Variants in PRKCI observed in about 807,000 individuals in gnomAD.
PRKCI encodes protein kinase C iota.
A neutral mutation model predicts 84.0 loss-of-function variants in PRKCI; 43 were observed. The ratio of observed to expected loss-of-function variants is 0.51; its 90% CI spans 0.40 to 0.66. The LOEUF is 0.66. PRKCI is among the 30% of genes least tolerant of loss of function. PRKCI has a pLI of 0.00. For synonymous variants in PRKCI, 216 were observed against 234.4 expected, an observed-to-expected ratio of 0.92 and a Z score of 0.72; for missense variants, 459 against 745.6, an observed-to-expected ratio of 0.62 and a Z score of 4.48.
At chr3:170,239,168 A>G (rs1435222056) in intron 2 of PRKCI, among the ~76,000 whole-genome samples, 1 of 152,232 alleles carries the variant, frequency 6.6e-6, no homozygotes. Context: ...TTAGATATGA[A>G]TCATAAACAT....
intron 2 of PRKCI, among the ~76,000 whole-genome samples, chr3:170,245,070 G>C (rs368675697): frequency 6.6e-6 from 1 of 151,988 alleles, no homozygotes; most frequent in Non-Finnish European, 1.5e-5. Flanking sequence ...AGTTGTTCTC[G>C]GTGGGTCTGG....
Position 170,245,949 on chromosome 3 carries a change from G to GTTTTTT in PRKCI, c.223+10614_223+10619dup, listed in dbSNP as rs112482352. Among the ~76,000 whole-genome samples the GTTTTTT allele has an allele frequency of 1.9e-3, 156 of 82,418 alleles. 1 individual carries two copies. The highest frequency in any genetic ancestry group is 2.3e-3 in the African/African-American group (47 of 20,458). The allele number at this position is 82,418 out of a possible 152,430, so 54.1% of individuals were successfully genotyped here. A position where few individuals can be genotyped will look rare whatever the true frequency, so the allele number is the denominator to read the frequency against. On this transcript the variant is annotated intron_variant, in intron 2 of 17. Coordinates refer to ENST00000295797, the MANE Select transcript of PRKCI (RefSeq NM_002740.6). Reference sequence around the variant, plus strand: ...TTTTTTCCCTGGATGTTATGTCTTTGTTTTTTTTTTTTTTTTTTTTTCTGA... The same window carrying GTTTTTT: ...TTTTTTCCCTGGATGTTATGTCTTTGTTTTTTTTTTTTTTTTTTTTTTTTTTTCTGA...
chr3:170,296,068 A>G, intron 15 of PRKCI, 78 bp downstream of exon 15: 1 of 822,132 alleles, frequency 1.2e-6, no homozygotes, highest in Non-Finnish European at 1.8e-6. Context: ...GGTTTGGGAA[A>G]TGTAAAATTC....
At chr3:170,241,161 A>T (rs1684884) in intron 2 of PRKCI, among the ~76,000 whole-genome samples, 1 of 151,962 alleles carries the variant, frequency 6.6e-6, no homozygotes, top group Non-Finnish European at 1.5e-5. Context: ...TAACACATCT[A>T]TTACCTCAAA....
At chr3:170,253,812 C>T (rs1400408360) in intron 2 of PRKCI, among the ~76,000 whole-genome samples, 1 of 148,912 alleles carries the variant, frequency 6.7e-6, no homozygotes, top group Non-Finnish European at 1.5e-5. Flanking sequence ...AATGTCTATT[C>T]AGGGCTAGGG....
At chr3:170,242,336 G>A (rs2108840241) in intron 2 of PRKCI, among the ~76,000 whole-genome samples, 1 of 152,118 alleles carries the variant, frequency 6.6e-6, no homozygotes, top group East Asian at 1.9e-4. Flanking sequence ...CAGCACTTTG[G>A]GAGGCTGAGG....
At chr3:170,261,455 TTTTTA>T (rs1319262444) in intron 3 of PRKCI, among the ~76,000 whole-genome samples, 66 of 148,956 alleles carry the variant, frequency 4.4e-4, no homozygotes, top group African/African-American at 1.6e-3. Context: ...CAGTGTTTTT[TTTTTA>T]AAAAAAAAAA....
At chr3:170,252,544 G>A (rs186603490) in intron 2 of PRKCI, among the ~76,000 whole-genome samples, 74 of 150,988 alleles carry the variant, frequency 4.9e-4, no homozygotes, top group African/African-American at 1.7e-3. Context: ...TTTGTTGACT[G>A]TAATTACCCT....
At chr3:170,285,953 T>C (rs1297179063) in intron 12 of PRKCI, among the ~76,000 whole-genome samples, 1 of 148,908 alleles carries the variant, frequency 6.7e-6, no homozygotes, top group Admixed American at 6.7e-5. Flanking sequence ...AGACAGAGTT[T>C]TGCTCTTATT....
At chr3:170,228,628 C>CACACACACACATATACAT (rs1732699319) in intron 1 of PRKCI, among the ~76,000 whole-genome samples, 2 of 151,540 alleles carry the variant, frequency 1.3e-5, no homozygotes, top group Non-Finnish European at 2.9e-5. Flanking sequence ...CACACACACA[C>CACACACACACATATACAT]ACACACACAC....
chr3:170,224,973 C>A (rs1732591304), intron 1 of PRKCI, among the ~76,000 whole-genome samples: 1 of 152,134 alleles, frequency 6.6e-6, no homozygotes, highest in Non-Finnish European at 1.5e-5. Context: ...TTGTAAACTC[C>A]TTTGAGAAGA....
At chr3:170,244,263 T>G (rs1468472073) in intron 2 of PRKCI, among the ~76,000 whole-genome samples, 1 of 152,146 alleles carries the variant, frequency 6.6e-6, no homozygotes, top group East Asian at 1.9e-4. Flanking sequence ...AAGGTGGGAC[T>G]TTTCAGCCTA....
chr3:170,275,098 A>G (rs1734081271), intron 7 of PRKCI, 131 bp from the exon 8 acceptor site: 1 of 1,132,452 alleles, frequency 8.8e-7, no homozygotes, highest in Non-Finnish European at 1.2e-6. Context: ...AAATAATGAA[A>G]ATTTATTCAG....
Position 170,222,574 on chromosome 3 carries a change from G to C in PRKCI, c.-96G>C. 1.8e-6 allele frequency: 2 copies of C among 1,102,054 alleles called. No individual in the cohort carries two copies. The highest frequency in any genetic ancestry group is 3.5e-5 in the South Asian group (2 of 56,760). 68.3% of individuals were successfully genotyped at this position (1,102,054 alleles called of 1,614,324 possible). On this transcript the variant is annotated 5_prime_UTR_variant, in exon 1 of 18. Coordinates refer to ENST00000295797, the MANE Select transcript of PRKCI (RefSeq NM_002740.6). The stretch of plus-strand genomic sequence containing the variant: ...GGCAGGTAGGTGGGCGGACGGCCGC[G>C]GTTCTCCGGCAAGCGCAGGCGGCGG...
chr3:170,268,869 A>T (rs1733928836), intron 5 of PRKCI, among the ~76,000 whole-genome samples: 1 of 152,198 alleles, frequency 6.6e-6, no homozygotes, highest in South Asian at 2.1e-4. Context: ...AAAGTTTGAA[A>T]GCAGCAGTCT....
Position 170,295,901 on chromosome 3 carries a change from A to G in PRKCI, c.1418-10A>G, listed in dbSNP as rs1188987134. 4.7e-6 allele frequency: 7 copies of G among 1,504,992 alleles called. No homozygotes were observed. Among genetic ancestry groups the G allele is most frequent in the Admixed American group, 3.8e-5 (2 of 53,326 alleles). The allele number at this position is 1,504,992 out of a possible 1,614,324, so 93.2% of individuals were successfully genotyped here. A position where few individuals can be genotyped will look rare whatever the true frequency, so the allele number is the denominator to read the frequency against. On this transcript the variant is annotated splice_polypyrimidine_tract_variant and intron_variant, in intron 14 of 17. Transcript: ENST00000295797. The stretch of plus-strand genomic sequence containing the variant: ...AGTTAAATATAATACTATAATTTTT[A>G]TCTTTCTAGTTATTTTGGAAAAACA...
chr3:170,235,299 G>C lies in PRKCI; in HGVS notation c.171G>C (p.Met57Ile). The C allele has an allele frequency of 6.2e-7, 1 of 1,614,066 alleles. No individual in the cohort carries two copies. The highest frequency in any genetic ancestry group is 8.5e-7 in the Non-Finnish European group (1 of 1,179,972). Reference sequence around the variant, plus strand: ...GCCTTTGCAATGAGGTTCGAGACATGTGTTCTTTTGACAACGAACAGCTCT... The same window carrying C: ...GCCTTTGCAATGAGGTTCGAGACATCTGTTCTTTTGACAACGAACAGCTCT... ...FEGLCNEVRD[M>I]CSFDNEQLFT... is the part of the protein sequence containing the mutation. Residue 57 changes from methionine (M) to isoleucine (I), a missense_variant, in exon 2 of 18, where the codon ATG becomes ATC. Met to Ile is a conservative substitution (Grantham distance 10, BLOSUM62 1). Coordinates refer to ENST00000295797, the MANE Select transcript of PRKCI (RefSeq NM_002740.6).
rs567054379 is a variant in PRKCI, at chr3:170,240,720, C to A, written c.223+5369C>A. ...CAGGACAGTCACTTGATTTCTCTGG[C>A]ATATGAGAAGTGCTGTTCCTCAAGC... On this transcript the variant is annotated intron_variant, in intron 2 of 17. Transcript: ENST00000295797. 2.0e-5 allele frequency among the ~76,000 whole-genome samples: 3 copies of A among 152,300 alleles called. No individual in the cohort carries two copies. The South Asian group carries it at 6.2e-4, about 32-fold the overall frequency.
intron 2 of PRKCI, among the ~76,000 whole-genome samples, chr3:170,251,291 A>G (rs1355237060): frequency 6.6e-6 from 1 of 152,218 alleles, no homozygotes; most frequent in Non-Finnish European, 1.5e-5. Context: ...CAAAAATTTC[A>G]TCAGGAAAAA....
Sources: allele counts gnomAD v4.1 joint callset (sites outside exome capture counted in the v4.1 genomes callset), GRCh38; gene constraint gnomAD v4.1.1; transcripts MANE v1.5; gene names NCBI Gene and HGNC (gene_info 2026-07-23, HGNC 2026-07-21).